The following KCND3 variants were observed in gnomAD, a reference collection of about 807,000 sequenced individuals.
KCND3 encodes the protein potassium voltage-gated channel subfamily D member 3, also known as A-type voltage-gated potassium channel KCND3.
KCND3 carries 9 observed loss-of-function variants against 51.1 expected under a neutral mutation model. That is an observed-to-expected ratio of 0.18 (90% confidence interval 0.11 to 0.31). The LOEUF (loss-of-function observed/expected upper bound fraction) is 0.31. Ranked by LOEUF, KCND3 falls within the 10% of genes least tolerant of loss-of-function variation. The pLI, the probability that KCND3 is intolerant of heterozygous loss-of-function variation, is 1.00. For synonymous variants in KCND3, 349 were observed against 368.0 expected (o/e 0.95, Z 0.59); for missense variants, 526 against 903.8 (o/e 0.58, Z 5.36).
rs192870601 is a variant in KCND3, at chr1:111,819,538, C to T, written c.1107-32432G>A. Among the ~76,000 whole-genome samples the T allele has an allele frequency of 3.9e-4, 59 of 152,270 alleles. No homozygotes were observed. In the East Asian group the frequency reaches 0.011, roughly 27 times the overall value. Reference sequence around the variant, plus strand: ...TTAATGCGGAACAATTAAGACTGCTCACAGCTCACCAGCAGCCTGACTGGG... The same window carrying T: ...TTAATGCGGAACAATTAAGACTGCTTACAGCTCACCAGCAGCCTGACTGGG... On this transcript the variant is annotated intron_variant, in intron 2 of 7. Coordinates refer to ENST00000302127, the MANE Select transcript of KCND3 (RefSeq NM_001378969.1).
intron 2 of KCND3, among the ~76,000 whole-genome samples, chr1:111,802,646 C>G (rs1665369511): frequency 1.3e-5 from 2 of 152,232 alleles, no homozygotes; most frequent in Admixed American, 6.5e-5. Flanking sequence ...AGATGGTAAG[C>G]TGCATGAGAG....
At chr1:111,796,087 C>A (rs1027036585) in intron 2 of KCND3, among the ~76,000 whole-genome samples, 3 of 152,138 alleles carry the variant, frequency 2.0e-5, no homozygotes, top group Non-Finnish European at 4.4e-5. Context: ...AGATATTAAA[C>A]CTTTGTCGGA....
Position 111,832,305 on chromosome 1 carries a change from C to T in KCND3, c.1107-45199G>A, listed in dbSNP as rs531560405. Among the ~76,000 whole-genome samples the T allele has an allele frequency of 7.3e-4, 111 of 152,248 alleles. 2 individuals are homozygous for T. Among genetic ancestry groups the T allele is most frequent in the East Asian group, 9.6e-4 (5 of 5,188 alleles). ...GTGAAGAACCTATGGTTTGTAACTCCGAGAGAAGCCTGGGACGTTGGGTGA... is the reference window on the plus strand; with the variant it reads ...GTGAAGAACCTATGGTTTGTAACTCTGAGAGAAGCCTGGGACGTTGGGTGA... On this transcript the variant is annotated intron_variant, in intron 2 of 7. Coordinates refer to ENST00000302127, the MANE Select transcript of KCND3 (RefSeq NM_001378969.1).
intron 2 of KCND3, among the ~76,000 whole-genome samples, chr1:111,878,715 C>G (rs1669171001): frequency 6.6e-6 from 1 of 152,196 alleles, no homozygotes; most frequent in African/African-American, 2.4e-5. Flanking sequence ...CCTGGAACAG[C>G]AGTTGAGGGG....
intron 2 of KCND3, among the ~76,000 whole-genome samples, chr1:111,852,449 T>C (rs944321052): frequency 4.6e-5 from 7 of 152,246 alleles, no homozygotes; most frequent in Non-Finnish European, 8.8e-5. Flanking sequence ...TACATAAGCC[T>C]GGCCCAGACA....
At chr1:111,836,524 T>C (rs971398636) in intron 2 of KCND3, among the ~76,000 whole-genome samples, 3 of 152,196 alleles carry the variant, frequency 2.0e-5, no homozygotes, top group African/African-American at 7.2e-5. Context: ...TCTTAGTTGC[T>C]TCCCTGCACC....
intron 2 of KCND3, among the ~76,000 whole-genome samples, chr1:111,855,830 A>G (rs1668039915): frequency 6.6e-6 from 1 of 152,180 alleles, no homozygotes; most frequent in Non-Finnish European, 1.5e-5. Context: ...AAAGGAAAGT[A>G]AAGTGGCACT....
intron 2 of KCND3, among the ~76,000 whole-genome samples, chr1:111,821,941 G>A (rs1666367578): frequency 6.6e-6 from 1 of 152,138 alleles, no homozygotes; most frequent in Non-Finnish European, 1.5e-5. Flanking sequence ...AGAACTGTGA[G>A]TAATGGGGGC....
chr1:111,976,320 C>T (rs897380680), intron 2 of KCND3, among the ~76,000 whole-genome samples: 1 of 152,178 alleles, frequency 6.6e-6, no homozygotes, highest in African/African-American at 2.4e-5. Context: ...AAGCCCCAAC[C>T]CTCCTAAGCC....
At chr1:111,848,909 T>C (rs978093543) in intron 2 of KCND3, among the ~76,000 whole-genome samples, 2 of 152,172 alleles carry the variant, frequency 1.3e-5, no homozygotes, top group Non-Finnish European at 2.9e-5. Context: ...GGCACCTCTC[T>C]TCCTTGCTCT....
At position 111,948,602 on chromosome 1, in the gene KCND3, C is replaced by T. The variant is rs72694627; in HGVS notation, c.1106+33019G>A. Among the ~76,000 whole-genome samples the T allele has an allele frequency of 2.1e-3, 322 of 152,278 alleles. 1 individual carries two copies. The highest frequency in any genetic ancestry group is 3.3e-3 in the Non-Finnish European group (224 of 68,022). On this transcript the variant is annotated intron_variant, in intron 2 of 7. Coordinates refer to ENST00000302127, the MANE Select transcript of KCND3 (RefSeq NM_001378969.1). ...ATCCCATCTGCACAGGTCACTTCCC[C>T]AGAGAGGCTTAAAAACCCTCGGACC...
intron 2 of KCND3, among the ~76,000 whole-genome samples, chr1:111,967,649 A>C (rs916416711): frequency 2.0e-5 from 3 of 152,248 alleles, no homozygotes; most frequent in African/African-American, 7.2e-5. Flanking sequence ...AGAAATGGGA[A>C]TAGAAGGACC....
intron 2 of KCND3, among the ~76,000 whole-genome samples, chr1:111,936,955 A>C (rs1484306631): frequency 6.6e-6 from 1 of 152,164 alleles, no homozygotes; most frequent in African/African-American, 2.4e-5. Context: ...AGATGGTTGG[A>C]TGGGGGTGAG....
intron 2 of KCND3, among the ~76,000 whole-genome samples, chr1:111,860,000 T>C (rs1298538967): frequency 6.6e-6 from 1 of 152,190 alleles, no homozygotes; most frequent in African/African-American, 2.4e-5. Flanking sequence ...CTGCAGGAAA[T>C]GGCCCTAAAG....
At chr1:111,892,613 G>T (rs1174153333) in intron 2 of KCND3, among the ~76,000 whole-genome samples, 2 of 152,342 alleles carry the variant, frequency 1.3e-5, no homozygotes, top group East Asian at 3.9e-4. Flanking sequence ...ATGAGGGAAG[G>T]TTATGCAATA....
intron 2 of KCND3, among the ~76,000 whole-genome samples, chr1:111,896,434 T>C (rs1670118899): frequency 1.3e-5 from 2 of 152,198 alleles, no homozygotes; most frequent in East Asian, 3.9e-4. Context: ...CAGGTGTGGT[T>C]CTTCCTGTTT....
intron 2 of KCND3, among the ~76,000 whole-genome samples, chr1:111,944,682 G>T (rs1490205034): frequency 6.6e-6 from 1 of 152,220 alleles, no homozygotes; most frequent in Admixed American, 6.5e-5. Context: ...CCCTGATGTT[G>T]GCTCACTGGT....
chr1:111,808,762 C>T, intron 2 of KCND3, among the ~76,000 whole-genome samples: 1 of 152,218 alleles, frequency 6.6e-6, no homozygotes, highest in Admixed American at 6.5e-5. Flanking sequence ...ATAGGACCAA[C>T]AAAATCCCCA....
intron 7 of KCND3, among the ~76,000 whole-genome samples, chr1:111,776,559 T>C (rs1415945632): frequency 1.3e-5 from 2 of 152,196 alleles, no homozygotes; most frequent in African/African-American, 4.8e-5. Context: ...TTGCATTCCC[T>C]GAATTCTCTG....
Sources: gnomAD v4.1 joint callset for allele counts (sites outside exome capture counted in the v4.1 genomes callset) on GRCh38, gnomAD v4.1.1 for gene constraint, MANE v1.5 for transcripts, NCBI Gene and HGNC (gene_info 2026-07-23, HGNC 2026-07-21) for gene names.